Variants in STEAP1B observed in about 807,000 individuals in gnomAD.
The protein encoded by STEAP1B is STEAP family protein MGC87042.
In STEAP1B, 13 loss-of-function variants were observed where a neutral mutation model predicts 27.9. The ratio of observed to expected loss-of-function variants is 0.47; its 90% CI spans 0.30 to 0.74. The LOEUF is 0.74. Ranked by LOEUF, STEAP1B falls within the 30% of genes least tolerant of loss-of-function variation. STEAP1B has a pLI of 0.06. For missense variants in STEAP1B, 250 were observed against 298.7 expected (o/e 0.84, Z 1.20); for synonymous variants, 86 against 107.1 (o/e 0.80, Z 1.22).
At chr7:22,441,170 A>G (rs1235651074) in intron 4 of STEAP1B, among the ~76,000 whole-genome samples, 1 of 152,162 alleles carries the variant, frequency 6.6e-6, no homozygotes, top group Non-Finnish European at 1.5e-5. Flanking sequence ...CCTAGTTTCA[A>G]AAACTCCATA....
At chr7:22,456,783 G>A (rs1785585295) in intron 4 of STEAP1B, among the ~76,000 whole-genome samples, 1 of 150,846 alleles carries the variant, frequency 6.6e-6, no homozygotes, top group South Asian at 2.1e-4. Context: ...GGGAACAGAA[G>A]GAATCGGATG....
intron 4 of STEAP1B, among the ~76,000 whole-genome samples, chr7:22,431,324 T>C (rs1470126802): frequency 6.6e-6 from 1 of 152,170 alleles, no homozygotes; most frequent in Non-Finnish European, 1.5e-5. Flanking sequence ...GTTTCCTCAA[T>C]TATGTCCAGC....
chr7:22,479,612 C>G (rs1786032332), intron 4 of STEAP1B, among the ~76,000 whole-genome samples: 1 of 150,478 alleles, frequency 6.6e-6, no homozygotes, highest in Non-Finnish European at 1.5e-5. Flanking sequence ...TCCTGAGGCT[C>G]TGAGGCATCA....
At chr7:22,487,818 A>G (rs12700375) in intron 4 of STEAP1B, among the ~76,000 whole-genome samples, 43,694 of 145,262 alleles carry the variant, frequency 0.3, 6,184 homozygotes, top group South Asian at 0.44. Flanking sequence ...AAAAAAAAAA[A>G]AAAAGAAAAA....
chr7:22,477,745 T>C (rs1466734634), intron 4 of STEAP1B, among the ~76,000 whole-genome samples: 3 of 152,314 alleles, frequency 2.0e-5, no homozygotes, highest in Admixed American at 6.5e-5. Context: ...TTTTTTTTAA[T>C]GCTTCTTGTG....
rs1235774519 is a variant in STEAP1B, at chr7:22,493,185, A to G, written c.597+139T>C. The G allele has an allele frequency of 4.5e-6, 5 of 1,107,966 alleles. No homozygotes were observed. In the Admixed American group the frequency reaches 1.2e-4, roughly 27 times the overall value. The allele number at this position is 1,107,966 out of a possible 1,614,324, so 68.6% of individuals were successfully genotyped here. A position where few individuals can be genotyped will look rare whatever the true frequency, so the allele number is the denominator to read the frequency against. ...GACAACCAAGCCCTAGTGTAATTAT[A>G]AGAAAAATTTTAAAATAGATGACTT... On this transcript the variant is annotated intron_variant, in intron 3 of 4. Transcript: ENST00000678116.
intron 4 of STEAP1B, among the ~76,000 whole-genome samples, chr7:22,477,294 T>A (rs1785989702): frequency 1.3e-5 from 2 of 152,210 alleles, no homozygotes; most frequent in South Asian, 4.1e-4. Context: ...TTGCCAGGCC[T>A]GAACTTGATC....
chr7:22,428,421 T>C (rs903689388), intron 4 of STEAP1B, among the ~76,000 whole-genome samples: 1 of 151,954 alleles, frequency 6.6e-6, no homozygotes, highest in African/African-American at 2.4e-5. Flanking sequence ...AAAGAAAGCA[T>C]CAGTAAGCTC....
intron 4 of STEAP1B, among the ~76,000 whole-genome samples, chr7:22,436,975 G>A (rs546668015): frequency 6.6e-6 from 1 of 152,264 alleles, no homozygotes; most frequent in Non-Finnish European, 1.5e-5. Context: ...GACAACAAAA[G>A]CAATTGCAAC....
At chr7:22,464,315 C>T (rs1055646160) in intron 4 of STEAP1B, among the ~76,000 whole-genome samples, 9 of 152,176 alleles carry the variant, frequency 5.9e-5, no homozygotes, top group Admixed American at 1.3e-4. Context: ...CATCACCTCT[C>T]CCCCACTCTG....
At chr7:22,449,891 G>C (rs1249925539) in intron 4 of STEAP1B, among the ~76,000 whole-genome samples, 1 of 152,188 alleles carries the variant, frequency 6.6e-6, no homozygotes, top group Non-Finnish European at 1.5e-5. Context: ...TTTCTCTGAT[G>C]ATCAGTGATG....
At chr7:22,438,718 A>C (rs1007429130) in intron 4 of STEAP1B, 1 of 1,551,696 alleles carries the variant, frequency 6.4e-7, no homozygotes, top group Admixed American at 2.0e-5. Context: ...AGTGGCCTGA[A>C]AGTTGCACAA....
intron 4 of STEAP1B, among the ~76,000 whole-genome samples, chr7:22,483,244 G>T (rs1423879221): frequency 6.6e-6 from 1 of 151,924 alleles, no homozygotes; most frequent in South Asian, 2.1e-4. Flanking sequence ...TGTCATCTGG[G>T]AGAAAAAGTC....
intron 4 of STEAP1B, among the ~76,000 whole-genome samples, chr7:22,430,121 T>C (rs1391922308): frequency 1.3e-5 from 2 of 152,238 alleles, no homozygotes; most frequent in African/African-American, 2.4e-5. Context: ...TACAGACATA[T>C]ATGTTTACGT....
chr7:22,458,677 C>T (rs1785628733), intron 4 of STEAP1B, among the ~76,000 whole-genome samples: 1 of 152,138 alleles, frequency 6.6e-6, no homozygotes, highest in South Asian at 2.1e-4. Context: ...GCCATGGAAG[C>T]CCCAAGAAGC....
At chr7:22,479,209 T>G (rs140110167) in intron 4 of STEAP1B, among the ~76,000 whole-genome samples, 334 of 152,182 alleles carry the variant, frequency 2.2e-3, no homozygotes, top group Middle Eastern at 0.014. Context: ...TGGGTGGGAC[T>G]GAATCATAAA....
intron 3 of STEAP1B, 77 bp downstream of exon 3, chr7:22,493,247 T>C: frequency 2.1e-6 from 3 of 1,422,460 alleles, no homozygotes; most frequent in Non-Finnish European, 2.8e-6. Context: ...GGGGTATTGA[T>C]ATTACAATGA....
chr7:22,467,790 C>T (rs896011713), intron 4 of STEAP1B, among the ~76,000 whole-genome samples: 15 of 152,256 alleles, frequency 9.9e-5, no homozygotes, highest in South Asian at 2.1e-4. Flanking sequence ...TGCCCAGTCT[C>T]GGGTGTGTCT....
At chr7:22,446,213 T>C (rs1443491375) in intron 4 of STEAP1B, among the ~76,000 whole-genome samples, 1 of 152,254 alleles carries the variant, frequency 6.6e-6, no homozygotes, top group African/African-American at 2.4e-5. Flanking sequence ...TCTGGAACAC[T>C]TGTTTATGAG....
Sources: allele counts gnomAD v4.1 joint callset (sites outside exome capture counted in the v4.1 genomes callset), GRCh38; gene constraint gnomAD v4.1.1; transcripts MANE v1.5; gene names NCBI Gene and HGNC (gene_info 2026-07-23, HGNC 2026-07-21).